DNAH9: variants seen among roughly 807,000 people sequenced by gnomAD.
DNAH9 encodes the protein DNAH9 variant protein.
In DNAH9, 345 loss-of-function variants were observed where a neutral mutation model predicts 471.6. The ratio of observed to expected loss-of-function variants is 0.73; its 90% CI spans 0.67 to 0.80. The LOEUF (loss-of-function observed/expected upper bound fraction) is 0.80, where lower values mean the gene tolerates loss of function less well. Ranked by LOEUF, DNAH9 falls within the 30% of genes least tolerant of loss-of-function variation. The pLI, the probability that DNAH9 is intolerant of heterozygous loss-of-function variation, is 0.00. For synonymous variants in DNAH9, 2,093 were observed against 2,123.6 expected, an observed-to-expected ratio of 0.99 and a Z score of 0.40; for missense variants, 5,407 against 5,609.2, an observed-to-expected ratio of 0.96 and a Z score of 1.15.
intron 26 of DNAH9, among the ~76,000 whole-genome samples, chr17:11,709,420 A>G (rs1335819546): frequency 1.3e-5 from 2 of 152,226 alleles, no homozygotes; most frequent in Non-Finnish European, 2.9e-5. Context: ...TGGCCTCAAC[A>G]TAGAAAATCA....
chr17:11,874,073 C>T (rs897860030), intron 52 of DNAH9, among the ~76,000 whole-genome samples: 17 of 151,902 alleles, frequency 1.1e-4, no homozygotes, highest in Admixed American at 7.2e-4. Flanking sequence ...GGTGAAACCT[C>T]GTCTCTACTA....
chr17:11,767,570 G>T (rs1035205994), intron 36 of DNAH9, among the ~76,000 whole-genome samples: 6 of 152,038 alleles, frequency 3.9e-5, no homozygotes, highest in African/African-American at 1.4e-4. Flanking sequence ...TGCCCTCCAT[G>T]AATATTTCCT....
chr17:11,729,430 C>T (rs986821201), intron 28 of DNAH9, among the ~76,000 whole-genome samples: 3 of 152,114 alleles, frequency 2.0e-5, no homozygotes, highest in Non-Finnish European at 2.9e-5. Context: ...GCCTGGTACT[C>T]CTAGTGTGTG....
intron 41 of DNAH9, among the ~76,000 whole-genome samples, chr17:11,792,471 T>A (rs956251236): frequency 6.6e-6 from 1 of 152,172 alleles, no homozygotes; most frequent in African/African-American, 2.4e-5. Context: ...GAGAATTTGT[T>A]GAGGTTATTG....
intron 24 of DNAH9, among the ~76,000 whole-genome samples, chr17:11,703,304 TAAACTC>T (rs1397378064): frequency 2.6e-5 from 4 of 152,092 alleles, no homozygotes; most frequent in East Asian, 3.9e-4. Context: ...TAATGGGACA[TAAACTC>T]AAAGGGAAAA....
intron 41 of DNAH9, among the ~76,000 whole-genome samples, chr17:11,787,520 G>A (rs1399276745): frequency 2.0e-5 from 3 of 152,154 alleles, no homozygotes; most frequent in Admixed American, 2.0e-4. Context: ...ATGTCTACTA[G>A]GAGACAGGCA....
intron 50 of DNAH9, among the ~76,000 whole-genome samples, chr17:11,857,853 T>C (rs1971682050): frequency 6.6e-6 from 1 of 152,174 alleles, no homozygotes; most frequent in Non-Finnish European, 1.5e-5. Flanking sequence ...GCTCCTGCTC[T>C]GGCCATATGA....
intron 67 of DNAH9, among the ~76,000 whole-genome samples, chr17:11,957,646 T>TGACC (rs1975720345): frequency 6.6e-6 from 1 of 150,894 alleles, no homozygotes; most frequent in African/African-American, 2.4e-5. Flanking sequence ...AACTGTTCTC[T>TGACC]TCAGCAGAGA....
chr17:11,934,607 G>A (rs926181866), intron 65 of DNAH9, among the ~76,000 whole-genome samples: 2 of 145,240 alleles, frequency 1.4e-5, no homozygotes, highest in African/African-American at 4.9e-5. Flanking sequence ...CACCAAGCCC[G>A]GCTAATTTTA....
chr17:11,655,615 A>G (rs563512742), intron 14 of DNAH9, among the ~76,000 whole-genome samples: 334 of 14,548 alleles, frequency 0.023, 3 homozygotes, highest in African/African-American at 0.046. Context: ...GTATATATAT[A>G]TACACACACA....
intron 43 of DNAH9, among the ~76,000 whole-genome samples, chr17:11,801,899 A>T (rs969430829): frequency 4.6e-5 from 7 of 152,180 alleles, no homozygotes; most frequent in Admixed American, 3.3e-4. Flanking sequence ...TAGAAAAAAA[A>T]AATAATAAGT....
intron 48 of DNAH9, among the ~76,000 whole-genome samples, chr17:11,831,219 G>C (rs139968613): frequency 6.6e-6 from 1 of 152,254 alleles, no homozygotes; most frequent in East Asian, 1.9e-4. Context: ...AGTTCTGCAG[G>C]CATACACAAA....
chr17:11,877,373 T>G (rs1972536025), intron 53 of DNAH9, among the ~76,000 whole-genome samples: 1 of 145,354 alleles, frequency 6.9e-6, no homozygotes, highest in Non-Finnish European at 1.5e-5. Context: ...CTCAGGAAGC[T>G]GAGGCAGGAG....
At chr17:11,905,875 A>G in intron 61 of DNAH9, 66 bp downstream of exon 61, 1 of 1,505,386 alleles carries the variant, frequency 6.6e-7, no homozygotes. Context: ...CTTGGGGTCT[A>G]TTGATTTCTC....
At chr17:11,813,038 C>T (rs1318577535) in intron 45 of DNAH9, among the ~76,000 whole-genome samples, 2 of 152,118 alleles carry the variant, frequency 1.3e-5, no homozygotes, top group African/African-American at 4.8e-5. Context: ...CCTAAAATAA[C>T]ATCTGAGACA....
intron 17 of DNAH9, among the ~76,000 whole-genome samples, chr17:11,677,670 A>G (rs543962543): frequency 5.9e-5 from 9 of 152,044 alleles, no homozygotes; most frequent in Non-Finnish European, 1.2e-4. Flanking sequence ...CCATTTTATT[A>G]TGTTCTTTTA....
chr17:11,828,017 A>T (rs1289430014), intron 48 of DNAH9, among the ~76,000 whole-genome samples: 1 of 152,150 alleles, frequency 6.6e-6, no homozygotes, highest in Non-Finnish European at 1.5e-5. Flanking sequence ...TTCAAAATAC[A>T]CCCAGAATCC....
At chr17:11,670,342 CTGAA>C (rs1244945091) in intron 17 of DNAH9, among the ~76,000 whole-genome samples, 2 of 152,214 alleles carry the variant, frequency 1.3e-5, no homozygotes, top group East Asian at 3.9e-4. Context: ...GCATCATCCT[CTGAA>C]TGAATAATCC....
intron 28 of DNAH9, among the ~76,000 whole-genome samples, chr17:11,729,822 A>G (rs1020852657): frequency 1.3e-5 from 2 of 152,150 alleles, no homozygotes; most frequent in African/African-American, 4.8e-5. Flanking sequence ...ACCTTTTCAC[A>G]GGTAGGTGTG....
Sources: gnomAD v4.1 joint callset for allele counts (sites outside exome capture counted in the v4.1 genomes callset) on GRCh38, gnomAD v4.1.1 for gene constraint, MANE v1.5 for transcripts, NCBI Gene and HGNC (gene_info 2026-07-23, HGNC 2026-07-21) for gene names.